ZFAT: variants seen among roughly 807,000 people sequenced by gnomAD.
The protein encoded by ZFAT is zinc finger protein ZFAT.
Under a neutral mutation model 117.7 loss-of-function variants are expected in ZFAT, and 64 were observed. That is an observed-to-expected ratio of 0.54 (90% CI 0.44 to 0.67). The LOEUF (loss-of-function observed/expected upper bound fraction) is 0.67, where lower values mean the gene tolerates loss of function less well. Ranked by LOEUF, ZFAT falls within the 30% of genes least tolerant of loss-of-function variation. The pLI, the probability that ZFAT is intolerant of heterozygous loss-of-function variation, is 0.00. For synonymous variants in ZFAT, 679 were observed against 615.0 expected (o/e 1.10, Z -1.54); for missense variants, 1,433 against 1,584.5 (o/e 0.90, Z 1.62).
At chr8:134,544,794 C>T (rs890176474) in intron 11 of ZFAT, among the ~76,000 whole-genome samples, 1 of 152,138 alleles carries the variant, frequency 6.6e-6, no homozygotes, top group Non-Finnish European at 1.5e-5. Context: ...TGCACAGCCA[C>T]CAGACTGGCA....
the ZFAT span, among the ~76,000 whole-genome samples, chr8:134,759,235 T>C: frequency 3.3e-5 from 5 of 152,162 alleles, no homozygotes; most frequent in African/African-American, 1.2e-4. Flanking sequence ...ACAACGGACC[T>C]GGGAGGTAAG....
At chr8:134,569,618 T>C (rs1038253374) in intron 10 of ZFAT, among the ~76,000 whole-genome samples, 1 of 151,958 alleles carries the variant, frequency 6.6e-6, no homozygotes, top group South Asian at 2.1e-4. Context: ...AGAGGCCCCA[T>C]TAGAAAAATG....
At chr8:134,772,619 T>C in the ZFAT span, among the ~76,000 whole-genome samples, 1 of 152,244 alleles carries the variant, frequency 6.6e-6, no homozygotes. Context: ...TAGCAAGTGC[T>C]GATTAAGAAG....
chr8:134,666,952 G>A lies in ZFAT; in HGVS notation c.20-9215C>T, dbSNP rs556520492. 6.6e-5 allele frequency among the ~76,000 whole-genome samples: 10 copies of A among 152,274 alleles called. No homozygotes were observed. In the South Asian group the frequency reaches 1.0e-3, roughly 16 times the overall value. ...ACCCAAAGAAATCCACGCCAAGTGC[G>A]GCCATAAAAAAGAGTGAGTTCATGT... On this transcript the variant is annotated intron_variant, in intron 1 of 15. Transcript: ENST00000377838.
intron 1 of ZFAT, among the ~76,000 whole-genome samples, chr8:134,691,579 ATTAATTCAGGAAC>A (rs1465094818): frequency 6.6e-6 from 1 of 152,256 alleles, no homozygotes. Flanking sequence ...TTCAGACTTT[ATTAATTCAGGAAC>A]TTCATTCTTC....
At chr8:134,589,560 A>G (rs1826303294) in intron 8 of ZFAT, among the ~76,000 whole-genome samples, 1 of 152,218 alleles carries the variant, frequency 6.6e-6, no homozygotes. Context: ...ACTGGAGATG[A>G]GGCGGGATAA....
At chr8:134,608,073 T>A (rs996194132) in intron 5 of ZFAT, among the ~76,000 whole-genome samples, 6 of 152,082 alleles carry the variant, frequency 3.9e-5, no homozygotes, top group African/African-American at 1.4e-4. Flanking sequence ...CTAAAATACA[T>A]CCACATAATA....
intron 10 of ZFAT, among the ~76,000 whole-genome samples, chr8:134,569,508 A>T (rs189413263): frequency 6.6e-4 from 99 of 150,656 alleles, no homozygotes; most frequent in African/African-American, 2.3e-3. Flanking sequence ...CCATCAGAAA[A>T]GACTGCCCAA....
At chr8:134,821,079 T>C in the ZFAT span, among the ~76,000 whole-genome samples, 5 of 152,208 alleles carry the variant, frequency 3.3e-5, no homozygotes, top group Non-Finnish European at 7.3e-5. Flanking sequence ...GATTCTCAGA[T>C]GGTTGTTGTG....
At chr8:134,518,396 C>T (rs56870676) in intron 13 of ZFAT, among the ~76,000 whole-genome samples, 1,894 of 152,270 alleles carry the variant, frequency 0.012, 36 homozygotes, top group African/African-American at 0.043. Flanking sequence ...CCACCAGCAA[C>T]GTATGAGAGC....
chr8:134,494,513 A>G (rs1818288430), intron 15 of ZFAT, among the ~76,000 whole-genome samples: 1 of 152,050 alleles, frequency 6.6e-6, no homozygotes, highest in South Asian at 2.1e-4. Context: ...CCCCTAATTA[A>G]GCAATCTGCT....
At chr8:134,537,313 A>G (rs1017109810) in intron 11 of ZFAT, among the ~76,000 whole-genome samples, 6 of 152,228 alleles carry the variant, frequency 3.9e-5, no homozygotes, top group African/African-American at 1.4e-4. Flanking sequence ...GCCAACAGTA[A>G]AGAGATGATT....
chr8:134,730,876 G>A, the ZFAT span, among the ~76,000 whole-genome samples: 27 of 152,164 alleles, frequency 1.8e-4, no homozygotes, highest in Non-Finnish European at 7.3e-5. Flanking sequence ...ATAGCATTCC[G>A]TGGGAATATG....
intron 1 of ZFAT, among the ~76,000 whole-genome samples, chr8:134,664,170 C>T (rs1832085969): frequency 6.6e-6 from 1 of 151,944 alleles, no homozygotes; most frequent in East Asian, 1.9e-4. Flanking sequence ...TCATTCAATC[C>T]CCCACCTCTC....
At chr8:134,775,800 G>A in the ZFAT span, among the ~76,000 whole-genome samples, 94 of 152,244 alleles carry the variant, frequency 6.2e-4, no homozygotes, top group African/African-American at 2.1e-3. Context: ...CACCACCAGG[G>A]AGAGAAAACC....
chr8:134,823,734 G>C, the ZFAT span, among the ~76,000 whole-genome samples: 2 of 152,194 alleles, frequency 1.3e-5, no homozygotes, highest in Admixed American at 6.5e-5. Context: ...AGCCAAGGCT[G>C]TATAGAATTA....
intron 15 of ZFAT, among the ~76,000 whole-genome samples, chr8:134,494,971 G>A (rs1293563605): frequency 5.3e-5 from 8 of 152,126 alleles, no homozygotes; most frequent in Non-Finnish European, 7.4e-5. Context: ...CATGACCCAC[G>A]TACTTCTCTC....
chr8:134,761,978 CTG>C, the ZFAT span, among the ~76,000 whole-genome samples: 1 of 71,272 alleles, frequency 1.4e-5, no homozygotes, highest in African/African-American at 8.2e-5. Context: ...CTCTTTCTCT[CTG>C]TATGTGTGTG....
intron 11 of ZFAT, among the ~76,000 whole-genome samples, chr8:134,553,025 G>T (rs11781131): frequency 0.089 from 13,534 of 152,298 alleles, 829 homozygotes; most frequent in East Asian, 0.34. Context: ...GCAAAAAATG[G>T]GTGAGAGGTA....
Sources: gnomAD v4.1 joint callset for allele counts (sites outside exome capture counted in the v4.1 genomes callset) on GRCh38, gnomAD v4.1.1 for gene constraint, MANE v1.5 for transcripts, NCBI Gene and HGNC (gene_info 2026-07-23, HGNC 2026-07-21) for gene names.